Variants in VPS53 observed in about 807,000 individuals in gnomAD.
VPS53 encodes the protein VPS53 subunit of GARP complex.
In VPS53, 70 loss-of-function variants were observed where a neutral mutation model predicts 107.0. The observed-to-expected ratio is 0.65, with a 90% CI of 0.54 to 0.80. The LOEUF is 0.80. Among genes scored for constraint, VPS53 ranks in the 30% least tolerant of loss-of-function variants. VPS53 has a pLI of 0.00. For synonymous variants in VPS53, 409 were observed against 393.3 expected, an observed-to-expected ratio of 1.04 and a Z score of -0.47; for missense variants, 917 against 1,049.4, an observed-to-expected ratio of 0.87 and a Z score of 1.74.
At chr17:598,996 T>TG (rs766745845) in intron 12 of VPS53, among the ~76,000 whole-genome samples, 360 of 18,942 alleles carry the variant, frequency 0.019, 75 homozygotes, top group East Asian at 0.061. Context: ...GGGAGGGAGG[T>TG]GGGGGGGGGG....
At chr17:643,418 G>A (rs922954960) in intron 7 of VPS53, among the ~76,000 whole-genome samples, 3 of 150,096 alleles carry the variant, frequency 2.0e-5, no homozygotes, top group South Asian at 2.1e-4. Context: ...CTTGGAAAGC[G>A]AGGACAACAC....
intron 4 of VPS53, among the ~76,000 whole-genome samples, chr17:670,712 T>C (rs1027493842): frequency 6.6e-6 from 1 of 152,150 alleles, no homozygotes; most frequent in Non-Finnish European, 1.5e-5. Flanking sequence ...GCAGGCAGCC[T>C]TTCAGAGATT....
chr17:571,574 G>A (rs8082165), intron 13 of VPS53, among the ~76,000 whole-genome samples: 7,690 of 134,098 alleles, frequency 0.057, 463 homozygotes, highest in African/African-American at 0.18. Flanking sequence ...CTCTTTCCAC[G>A]GTCTCCCTCT....
intron 19 of VPS53, among the ~76,000 whole-genome samples, chr17:529,916 A>G (rs1597249801): frequency 6.6e-6 from 1 of 151,158 alleles, no homozygotes; most frequent in South Asian, 2.1e-4. Context: ...ACATTCCTGT[A>G]GTCCCAGATA....
chr17:547,152 C>T (rs564379593), intron 17 of VPS53, among the ~76,000 whole-genome samples: 30 of 152,258 alleles, frequency 2.0e-4, no homozygotes, highest in African/African-American at 5.8e-4. Flanking sequence ...GCTGGGATTA[C>T]GGGCATGAGC....
chr17:668,354 T>C (rs78146463), intron 4 of VPS53, among the ~76,000 whole-genome samples: 2,934 of 152,290 alleles, frequency 0.019, 43 homozygotes, highest in Non-Finnish European at 0.029. Flanking sequence ...AAAAGTATCA[T>C]GGTGCACCTG....
At chr17:528,595 CTTTT>C (rs138081726) in intron 19 of VPS53, among the ~76,000 whole-genome samples, 1,096 of 101,270 alleles carry the variant, frequency 0.011, 14 homozygotes, top group East Asian at 0.054. Context: ...TTTTTCAATT[CTTTT>C]TTTTTTTTTT....
rs997882504 is a variant in VPS53, at chr17:618,940, C to T, written c.1116+4593G>A. Among the ~76,000 whole-genome samples the T allele has an allele frequency of 2.1e-4, 31 of 147,038 alleles. No individual in the cohort carries two copies. In the East Asian group the frequency reaches 5.3e-3, roughly 25 times the overall value. On this transcript the variant is annotated intron_variant, in intron 11 of 21. Transcript: ENST00000437048. ...TAGCTGGGACTACAGGCGCCCACCA[C>T]GCCTGCTAATATTTCCTGGGTAGCT... is the stretch of plus-strand genomic sequence containing the variant.
intron 18 of VPS53, chr17:536,739 G>T: frequency 3.1e-6 from 1 of 327,518 alleles, no homozygotes. Context: ...ACACTGAAAT[G>T]GCGGCCACAC....
intron 2 of VPS53, among the ~76,000 whole-genome samples, chr17:701,899 A>G (rs2143950947): frequency 6.6e-6 from 1 of 151,994 alleles, no homozygotes; most frequent in African/African-American, 2.4e-5. Flanking sequence ...GGCTAATTTT[A>G]TTATTTTGTT....
intron 11 of VPS53, among the ~76,000 whole-genome samples, chr17:608,333 A>G (rs1296155330): frequency 3.3e-5 from 5 of 152,216 alleles, no homozygotes; most frequent in African/African-American, 7.2e-5. Context: ...CTTGAAAAAT[A>G]TAAGTGGGTA....
At chr17:600,837 G>A (rs1485867861) in intron 12 of VPS53, 1 of 152,236 alleles carries the variant, frequency 6.6e-6, no homozygotes, top group Non-Finnish European at 1.5e-5. Context: ...CATAAAGCAT[G>A]TAAAAGAATT....
chr17:709,063 C>T (rs1385442205), intron 2 of VPS53, among the ~76,000 whole-genome samples: 3 of 152,154 alleles, frequency 2.0e-5, no homozygotes, highest in Non-Finnish European at 4.4e-5. Context: ...TGACTCCTTC[C>T]TGTCCATCAG....
intron 4 of VPS53, among the ~76,000 whole-genome samples, chr17:690,167 G>GGGGA (rs1972730323): frequency 6.6e-6 from 1 of 152,194 alleles, no homozygotes; most frequent in Admixed American, 6.5e-5. Flanking sequence ...ATGATAAAGT[G>GGGGA]GGGAGGTCAT....
intron 11 of VPS53, among the ~76,000 whole-genome samples, chr17:618,481 G>C (rs1190254997): frequency 2.0e-5 from 3 of 150,564 alleles, no homozygotes; most frequent in Non-Finnish European, 4.4e-5. Flanking sequence ...TTCCCGGGTA[G>C]CTGGGACTAC....
Position 586,356 on chromosome 17 carries a change from CT to C in VPS53, c.1226del (p.Lys409SerfsTer35). 1.2e-6 allele frequency: 2 copies of C among 1,614,034 alleles called. No individual in the cohort carries two copies. The highest frequency in any genetic ancestry group is 1.3e-5 in the African/African-American group (1 of 75,042). The part of the protein sequence containing the change: ...TEKGDLDQPK[K>X]PKAPDNPFHG... Reference sequence around the variant, plus strand: ...GAAATGGATTGTCTGGGGCTTTAGGCTTCTTTGGCTGTAAAAACAAAGAAAA... The same window carrying C: ...GAAATGGATTGTCTGGGGCTTTAGGCTCTTTGGCTGTAAAAACAAAGAAAA... On this transcript the variant is annotated frameshift_variant, in exon 13 of 22. Coordinates refer to ENST00000437048, the MANE Select transcript of VPS53 (RefSeq NM_001128159.3). LOFTEE classifies it high-confidence loss of function.
chr17:677,754 G>C (rs776422739), intron 4 of VPS53, among the ~76,000 whole-genome samples: 1 of 151,960 alleles, frequency 6.6e-6, no homozygotes, highest in Non-Finnish European at 1.5e-5. Context: ...AATTGAAAAA[G>C]GTTATATTTA....
chr17:589,768 T>C (rs1047304196), intron 12 of VPS53, among the ~76,000 whole-genome samples: 6 of 152,210 alleles, frequency 3.9e-5, no homozygotes, highest in African/African-American at 1.4e-4. Context: ...CATGCTGTTT[T>C]GGTTACTGTA....
rs1967314438 is a variant in VPS53, at chr17:586,294, T to G, written c.1289A>C (p.Tyr430Ser). 1 of 1,614,016 alleles carries G rather than the reference T, an allele frequency of 6.2e-7. No homozygotes were observed. Among genetic ancestry groups the G allele is most frequent in the African/African-American group, 1.3e-5 (1 of 75,008 alleles). Residue 430 changes from tyrosine (Y) to serine (S), a missense_variant, in exon 13 of 22, where the codon TAC (tyrosine) becomes TCC (serine). Transcript: ENST00000437048. ...IVSKCFEPHL[Y>S]VYIESQDKNL... is the part of the protein sequence containing the mutation. ...CTTGTCTTGGGATTCGATATACACG[T>G]AGAGATGAGGCTCAAAACACTTGGA...
Sources: allele counts gnomAD v4.1 joint callset (sites outside exome capture counted in the v4.1 genomes callset), GRCh38; gene constraint gnomAD v4.1.1; transcripts MANE v1.5; gene names NCBI Gene and HGNC (gene_info 2026-07-23, HGNC 2026-07-21).